GRIK2: variants seen among roughly 807,000 people sequenced by gnomAD.
The protein encoded by GRIK2 is glutamate receptor ionotropic, kainate 2.
A neutral mutation model predicts 100.3 loss-of-function variants in GRIK2; 32 were observed. That is an observed-to-expected ratio of 0.32 (90% CI 0.24 to 0.43). GRIK2 has a LOEUF of 0.43. Ranked by LOEUF, GRIK2 falls within the 20% of genes least tolerant of loss-of-function variation. The pLI is 1.00. For missense variants in GRIK2, 843 were observed against 1,114.9 expected (o/e 0.76, Z 3.47); for synonymous variants, 417 against 389.4 (o/e 1.07, Z -0.83).
At chr6:101,670,087 A>AT (rs943120313) in intron 4 of GRIK2, among the ~76,000 whole-genome samples, 37 of 151,972 alleles carry the variant, frequency 2.4e-4, no homozygotes, top group South Asian at 1.9e-3. Context: ...ATAGTAAGCC[A>AT]TTTTTTTTAA....
intron 7 of GRIK2, among the ~76,000 whole-genome samples, chr6:101,732,361 A>T (rs566493404): frequency 6.6e-6 from 1 of 152,028 alleles, no homozygotes; most frequent in Non-Finnish European, 1.5e-5. Context: ...TTTTTAGGAA[A>T]CATTACTTTA....
chr6:101,789,565 A>C (rs1779687706), intron 7 of GRIK2, among the ~76,000 whole-genome samples: 1 of 152,146 alleles, frequency 6.6e-6, no homozygotes, highest in South Asian at 2.1e-4. Flanking sequence ...ATTGATCTGT[A>C]TCTCTGTTTT....
intron 12 of GRIK2, among the ~76,000 whole-genome samples, chr6:101,912,236 T>C (rs1788768456): frequency 6.6e-6 from 1 of 151,030 alleles, no homozygotes. Context: ...AAAACATTAT[T>C]TAAAAAAATG....
At chr6:101,574,558 C>T (rs150195419) in intron 2 of GRIK2, among the ~76,000 whole-genome samples, 2,105 of 151,164 alleles carry the variant, frequency 0.014, 60 homozygotes, top group African/African-American at 0.047. Flanking sequence ...AAAAAATTGA[C>T]GAATTGTAAT....
intron 7 of GRIK2, among the ~76,000 whole-genome samples, chr6:101,756,168 T>C (rs574302071): frequency 6.6e-6 from 1 of 152,250 alleles, no homozygotes; most frequent in East Asian, 1.9e-4. Context: ...GAGGTAAGTT[T>C]CCCTAAGGGA....
At chr6:101,497,936 A>G (rs1349531632) in intron 2 of GRIK2, among the ~76,000 whole-genome samples, 1 of 151,790 alleles carries the variant, frequency 6.6e-6, no homozygotes, top group Non-Finnish European at 1.5e-5. Flanking sequence ...TTACATATGT[A>G]CACATGTGCC....
intron 7 of GRIK2, among the ~76,000 whole-genome samples, chr6:101,796,769 C>CT (rs1321718078): frequency 6.6e-6 from 1 of 152,154 alleles, no homozygotes; most frequent in Admixed American, 6.5e-5. Context: ...TGGGCTCAAA[C>CT]TTCAGGGCTC....
At chr6:101,939,001 C>T (rs1352245781) in intron 14 of GRIK2, among the ~76,000 whole-genome samples, 1 of 152,002 alleles carries the variant, frequency 6.6e-6, no homozygotes, top group African/African-American at 2.4e-5. Context: ...ATTGTAATTA[C>T]AGCTAATTAG....
chr6:101,762,341 A>AT (rs1416543615), intron 7 of GRIK2, among the ~76,000 whole-genome samples: 1 of 151,806 alleles, frequency 6.6e-6, no homozygotes, highest in Non-Finnish European at 1.5e-5. Context: ...AGCCTGGCTA[A>AT]TTTTTTTATT....
intron 2 of GRIK2, among the ~76,000 whole-genome samples, chr6:101,414,053 CAAG>C (rs66962537): frequency 0.37 from 55,923 of 151,806 alleles, 10,535 homozygotes; most frequent in African/African-American, 0.46. Context: ...GTCTCTGCAT[CAAG>C]AAGGATATCA....
chr6:101,849,375 C>T (rs1433532778), intron 10 of GRIK2, among the ~76,000 whole-genome samples: 1 of 152,082 alleles, frequency 6.6e-6, no homozygotes, highest in Non-Finnish European at 1.5e-5. Context: ...TCTGCATTAT[C>T]CTGAGCACCT....
chr6:101,784,701 T>G (rs1779314319), intron 7 of GRIK2, among the ~76,000 whole-genome samples: 1 of 152,082 alleles, frequency 6.6e-6, no homozygotes, highest in Non-Finnish European at 1.5e-5. Context: ...GATCTGATGG[T>G]TTTATAAGTG....
intron 7 of GRIK2, among the ~76,000 whole-genome samples, chr6:101,780,448 C>T (rs1779017325): frequency 6.6e-6 from 1 of 152,084 alleles, no homozygotes; most frequent in South Asian, 2.1e-4. Flanking sequence ...GTTTCCTGCT[C>T]TCAAAAATGT....
At chr6:101,548,006 G>A (rs1198322068) in intron 2 of GRIK2, among the ~76,000 whole-genome samples, 3 of 152,020 alleles carry the variant, frequency 2.0e-5, no homozygotes, top group African/African-American at 7.2e-5. Flanking sequence ...TTGAATGATT[G>A]CCATTCTAAC....
chr6:101,605,194 C>T (rs987929732), intron 2 of GRIK2, among the ~76,000 whole-genome samples: 3 of 151,952 alleles, frequency 2.0e-5, no homozygotes, highest in African/African-American at 7.2e-5. Flanking sequence ...AATTTAAGTC[C>T]TGGCTATATT....
chr6:101,960,756 C>A (rs570492505), intron 14 of GRIK2, among the ~76,000 whole-genome samples: 56 of 152,222 alleles, frequency 3.7e-4, no homozygotes, highest in Non-Finnish European at 6.0e-4. Flanking sequence ...TACCTTATTC[C>A]GCAGCACAAT....
Position 102,069,238 on chromosome 6 carries a change from A to G in GRIK2, c.*727A>G, listed in dbSNP as rs1256634152. On this transcript the variant is annotated 3_prime_UTR_variant, in exon 17 of 17. Coordinates refer to ENST00000369134, the MANE Select transcript of GRIK2 (RefSeq NM_021956.5). ...CCCTAAGGCAGAAGATTTAACATGC[A>G]ATTCTACCAGATCCCTTCCTATTCC... The G allele has an allele frequency of 6.7e-6, 1 of 148,394 alleles. No individual in the cohort carries two copies. 9.2% of individuals were successfully genotyped at this position (148,394 alleles called of 1,614,324 possible). A position where few individuals can be genotyped will look rare whatever the true frequency, so the allele number is the denominator to read the frequency against.
At position 101,828,826 on chromosome 6, in the gene GRIK2, A is replaced by G. The variant is rs1332689470; in HGVS notation, c.1317+10343A>G. ...CCAGATGGACTCACAACTGAATTCT[A>G]TTATATGCACAAAGAAGAGCTGGTG... On this transcript the variant is annotated intron_variant, in intron 10 of 16. Coordinates refer to ENST00000369134, the MANE Select transcript of GRIK2 (RefSeq NM_021956.5). Among the ~76,000 whole-genome samples the G allele has an allele frequency of 1.3e-4, 20 of 151,976 alleles. 1 individual carries two copies. Among genetic ancestry groups the G allele is most frequent in the Admixed American group, 1.2e-3 (19 of 15,238 alleles).
At chr6:101,540,659 T>A (rs1159549811) in intron 2 of GRIK2, among the ~76,000 whole-genome samples, 2 of 152,014 alleles carry the variant, frequency 1.3e-5, no homozygotes, top group Non-Finnish European at 2.9e-5. Flanking sequence ...CAGTTTGAAT[T>A]GCTCACTAGT....
Sources: allele counts gnomAD v4.1 joint callset (sites outside exome capture counted in the v4.1 genomes callset), GRCh38; gene constraint gnomAD v4.1.1; transcripts MANE v1.5; gene names NCBI Gene and HGNC (gene_info 2026-07-23, HGNC 2026-07-21).